RAB31: variants seen among roughly 807,000 people sequenced by gnomAD.
RAB31 encodes RAB31, member RAS oncogene family.
Under a neutral mutation model 25.6 loss-of-function variants are expected in RAB31, and 21 were observed. That is an observed-to-expected ratio of 0.82 (90% CI 0.58 to 1.18). The LOEUF (loss-of-function observed/expected upper bound fraction) is 1.18. RAB31 is among the 50% of genes most tolerant of loss of function. RAB31 has a pLI of 0.00. For missense variants in RAB31, 196 were observed against 250.1 expected (o/e 0.78, Z 1.46); for synonymous variants, 87 against 84.0 (o/e 1.04, Z -0.20).
chr18:9,767,057 A>C (rs1220847786), intron 1 of RAB31, among the ~76,000 whole-genome samples: 2 of 152,232 alleles, frequency 1.3e-5, no homozygotes, highest in Non-Finnish European at 1.5e-5. Context: ...TACAAAAAAT[A>C]AATGCAAAAA....
At chr18:9,816,985 G>A (rs143040232) in intron 5 of RAB31, among the ~76,000 whole-genome samples, 119 of 152,282 alleles carry the variant, frequency 7.8e-4, no homozygotes, top group Admixed American at 6.5e-4. Flanking sequence ...TCAAAAGTTT[G>A]CATCAACTTG....
chr18:9,779,842 G>C (rs1387675823), intron 2 of RAB31, among the ~76,000 whole-genome samples: 1 of 152,102 alleles, frequency 6.6e-6, no homozygotes, highest in African/African-American at 2.4e-5. Flanking sequence ...CTTTAATTGT[G>C]ACACAGACAA....
chr18:9,783,266 G>A (rs994218490), intron 2 of RAB31, among the ~76,000 whole-genome samples: 2 of 152,134 alleles, frequency 1.3e-5, no homozygotes, highest in South Asian at 2.1e-4. Context: ...AGGGCTTTAC[G>A]GGCTGGTTCA....
chr18:9,833,688 A>G (rs1326025396), intron 5 of RAB31, among the ~76,000 whole-genome samples: 1 of 152,178 alleles, frequency 6.6e-6, no homozygotes, highest in African/African-American at 2.4e-5. Context: ...CAGGATAAGT[A>G]TTTCATTTTC....
intron 6 of RAB31, among the ~76,000 whole-genome samples, chr18:9,857,787 G>A (rs2068826473): frequency 6.6e-6 from 1 of 151,676 alleles, no homozygotes; most frequent in South Asian, 2.1e-4. Context: ...CAGCACTTTA[G>A]GAGACCAAGG....
At chr18:9,726,971 T>A (rs2145462276) in intron 1 of RAB31, among the ~76,000 whole-genome samples, 1 of 152,218 alleles carries the variant, frequency 6.6e-6, no homozygotes, top group East Asian at 1.9e-4. Flanking sequence ...ACATTTATTT[T>A]TGCTTGTTTT....
chr18:9,812,792 G>T (rs1422970370), intron 3 of RAB31, among the ~76,000 whole-genome samples: 2 of 145,866 alleles, frequency 1.4e-5, no homozygotes, highest in African/African-American at 5.1e-5. Flanking sequence ...CTGCCTCCCG[G>T]GTTCTAGCAT....
chr18:9,737,931 C>G (rs965456114), intron 1 of RAB31, among the ~76,000 whole-genome samples: 3 of 152,182 alleles, frequency 2.0e-5, no homozygotes, highest in Non-Finnish European at 4.4e-5. Context: ...TGTCTGCCCC[C>G]CACGCTAACC....
chr18:9,820,258 A>C (rs2068618287), intron 5 of RAB31, among the ~76,000 whole-genome samples: 2 of 152,032 alleles, frequency 1.3e-5, no homozygotes, highest in Admixed American at 1.3e-4. Flanking sequence ...TCATGACTGA[A>C]TGTTGGATTT....
chr18:9,847,067 A>C (rs1468172199), intron 6 of RAB31, among the ~76,000 whole-genome samples: 1 of 152,120 alleles, frequency 6.6e-6, no homozygotes, highest in Non-Finnish European at 1.5e-5. Flanking sequence ...GGGAAACCCC[A>C]TGTCCCCACA....
intron 2 of RAB31, among the ~76,000 whole-genome samples, chr18:9,780,939 A>AAACAAAACAAAACAG (rs373889762): frequency 6.6e-6 from 1 of 151,654 alleles, no homozygotes; most frequent in African/African-American, 2.4e-5. Flanking sequence ...TTGTCTCAAA[A>AAACAAAACAAAACAG]AACAAAACAA....
chr18:9,711,421 G>A (rs2068016708), intron 1 of RAB31, among the ~76,000 whole-genome samples: 1 of 152,208 alleles, frequency 6.6e-6, no homozygotes, highest in African/African-American at 2.4e-5. Flanking sequence ...CACCCAGGCT[G>A]GAGTGCAATG....
At chr18:9,717,076 CTTTTTTGT>C (rs1370088786) in intron 1 of RAB31, among the ~76,000 whole-genome samples, 1 of 151,532 alleles carries the variant, frequency 6.6e-6, no homozygotes, top group Non-Finnish European at 1.5e-5. Flanking sequence ...AAGTGGGCTT[CTTTTTTGT>C]TTTTTTGTTT....
intron 1 of RAB31, among the ~76,000 whole-genome samples, chr18:9,772,740 A>G (rs151335224): frequency 7.2e-5 from 11 of 152,184 alleles, no homozygotes; most frequent in Admixed American, 7.2e-4. Flanking sequence ...AGCTGGCCTC[A>G]TGAAAGTGTG....
chr18:9,837,283 G>A lies in RAB31; in HGVS notation c.381-8299G>A, dbSNP rs544537909. Among the ~76,000 whole-genome samples, 38 of 152,198 alleles carry A rather than the reference G, an allele frequency of 2.5e-4. No individual in the cohort carries two copies. The South Asian group carries it at 7.9e-3, about 32-fold the overall frequency. On this transcript the variant is annotated intron_variant, in intron 5 of 6. Transcript: ENST00000578921. ...AAAAAGAGGTAATTCAGTAAATAGTGGTGGAATAAATAAGAGAAGGAAAAA... is the reference window on the plus strand; with the variant it reads ...AAAAAGAGGTAATTCAGTAAATAGTAGTGGAATAAATAAGAGAAGGAAAAA...
intron 1 of RAB31, among the ~76,000 whole-genome samples, chr18:9,713,319 G>A (rs576615121): frequency 1.3e-5 from 2 of 152,112 alleles, no homozygotes; most frequent in Non-Finnish European, 2.9e-5. Context: ...GGGATGGTGG[G>A]GAGGGTTGAG....
At chr18:9,804,174 G>T (rs1193977489) in intron 3 of RAB31, among the ~76,000 whole-genome samples, 2 of 152,224 alleles carry the variant, frequency 1.3e-5, no homozygotes, top group African/African-American at 2.4e-5. Context: ...CCCCTCGGGG[G>T]TTCTTTTGTC....
chr18:9,810,595 G>T (rs2068565472), intron 3 of RAB31, among the ~76,000 whole-genome samples: 1 of 152,168 alleles, frequency 6.6e-6, no homozygotes, highest in East Asian at 1.9e-4. Context: ...ATTTCAAAGC[G>T]ATTCCATTTG....
At chr18:9,776,445 T>C (rs1329437814) in intron 2 of RAB31, among the ~76,000 whole-genome samples, 1 of 152,216 alleles carries the variant, frequency 6.6e-6, no homozygotes, top group Non-Finnish European at 1.5e-5. Flanking sequence ...TCAAGAGTAC[T>C]TGGCTGATAG....
Sources: allele counts gnomAD v4.1 joint callset (sites outside exome capture counted in the v4.1 genomes callset), GRCh38; gene constraint gnomAD v4.1.1; transcripts MANE v1.5; gene names NCBI Gene and HGNC (gene_info 2026-07-23, HGNC 2026-07-21).